The following SMARCC1 variants were observed in gnomAD, a reference collection of about 807,000 sequenced individuals.
SMARCC1 encodes the protein SWI/SNF related BAF chromatin remodeling complex subunit C1.
A neutral mutation model predicts 147.4 loss-of-function variants in SMARCC1; 43 were observed. The observed-to-expected ratio is 0.29, with a 90% CI of 0.23 to 0.38. The LOEUF (loss-of-function observed/expected upper bound fraction) is 0.38. SMARCC1 is among the 10% of genes least tolerant of loss of function. The pLI, the probability that SMARCC1 is intolerant of heterozygous loss-of-function variation, is 1.00. For missense variants in SMARCC1, 1,119 were observed against 1,381.1 expected, an observed-to-expected ratio of 0.81 and a Z score of 3.01; for synonymous variants, 495 against 484.4, an observed-to-expected ratio of 1.02 and a Z score of -0.29.
chr3:47,746,716 CACA>C (rs2034567819), intron 2 of SMARCC1, among the ~76,000 whole-genome samples: 1 of 146,994 alleles, frequency 6.8e-6, no homozygotes, highest in Non-Finnish European at 1.5e-5. Context: ...AGCAGTGGCT[CACA>C]TCAGTAATTT....
rs367949040 is a variant in SMARCC1, at chr3:47,649,163, C to T, written c.2321-10383G>A. On this transcript the variant is annotated intron_variant, in intron 21 of 27. Transcript: ENST00000254480. ...AAGAGAAAGAGAGAAGCCCACTCCACGTGATGTAAGTCTGATGATCAAATA... is the reference window on the plus strand; with the variant it reads ...AAGAGAAAGAGAGAAGCCCACTCCATGTGATGTAAGTCTGATGATCAAATA... Among the ~76,000 whole-genome samples, 6 of 152,296 alleles carry T rather than the reference C, an allele frequency of 3.9e-5. 1 individual carries two copies. Among genetic ancestry groups the T allele is most frequent in the Middle Eastern group, 6.8e-3 (2 of 294 alleles).
At chr3:47,740,009 T>C (rs2034489899) in intron 3 of SMARCC1, among the ~76,000 whole-genome samples, 1 of 151,538 alleles carries the variant, frequency 6.6e-6, no homozygotes, top group African/African-American at 2.4e-5. Flanking sequence ...CCTGATTAGC[T>C]GGGATTACAG....
chr3:47,708,083 C>CTTTTTTCTTTTTTTTTTTTTT (rs2034032931), intron 9 of SMARCC1, among the ~76,000 whole-genome samples: 1 of 64,270 alleles, frequency 1.6e-5, no homozygotes, highest in African/African-American at 6.6e-5. Context: ...AATTTTTTTT[C>CTTTTTTCTTTTTTTTTTTTTT]TTTTTTTTTT....
At chr3:47,702,442 G>A (rs190292432) in intron 10 of SMARCC1, among the ~76,000 whole-genome samples, 3 of 152,242 alleles carry the variant, frequency 2.0e-5, no homozygotes, top group African/African-American at 7.2e-5. Context: ...GCTGAACCTT[G>A]AGAATTGTTT....
intron 20 of SMARCC1, 96 bp from the exon 21 acceptor site, chr3:47,661,551 G>A (rs929618946): frequency 2.1e-6 from 2 of 953,690 alleles, no homozygotes; most frequent in Non-Finnish European, 1.6e-6. Flanking sequence ...CAGTATTATT[G>A]TCTTAGGTGT....
intron 21 of SMARCC1, among the ~76,000 whole-genome samples, chr3:47,655,654 T>A (rs2033252093): frequency 6.6e-6 from 1 of 151,658 alleles, no homozygotes; most frequent in South Asian, 2.1e-4. Flanking sequence ...TGAGTTGAGA[T>A]CACACCACCA....
intron 18 of SMARCC1, among the ~76,000 whole-genome samples, 189 bp from the exon 19 acceptor site, chr3:47,670,906 C>A (rs980496548): frequency 6.6e-6 from 1 of 152,002 alleles, no homozygotes. Context: ...CAAAGACTGG[C>A]CAGGCGTGGT....
At chr3:47,726,623 A>T (rs2034303347) in intron 6 of SMARCC1, among the ~76,000 whole-genome samples, 1 of 152,216 alleles carries the variant, frequency 6.6e-6, no homozygotes, top group Non-Finnish European at 1.5e-5. Flanking sequence ...AATGAACAGC[A>T]ACTCCCTGAT....
At chr3:47,630,536 T>C (rs1366111155) in intron 24 of SMARCC1, among the ~76,000 whole-genome samples, 3 of 152,186 alleles carry the variant, frequency 2.0e-5, no homozygotes, top group Non-Finnish European at 4.4e-5. Flanking sequence ...TTACAAAGCA[T>C]GAATTCCAAC....
In SMARCC1 at chr3:47,587,000, C is replaced by T. The variant is rs1033320504; in HGVS notation, c.*1209G>A. On this transcript the variant is annotated 3_prime_UTR_variant, in exon 28 of 28. Coordinates refer to ENST00000254480, the MANE Select transcript of SMARCC1 (RefSeq NM_003074.4). ...TGCCAAGTGAGTTCCTTGTTACCCT[C>T]AGCATCTCTTTGAAAACCCTGTGAT... The T allele has an allele frequency of 4.6e-5, 7 of 152,608 alleles. No homozygotes were observed. Among genetic ancestry groups the T allele is most frequent in the Non-Finnish European group, 1.0e-4 (7 of 68,054 alleles). The allele number at this position is 152,608 out of a possible 1,614,324, so 9.5% of individuals were successfully genotyped here. A position where few individuals can be genotyped will look rare whatever the true frequency, so the allele number is the denominator to read the frequency against.
chr3:47,617,945 TCTTA>T (rs1364661696), intron 25 of SMARCC1, among the ~76,000 whole-genome samples: 1 of 152,194 alleles, frequency 6.6e-6, no homozygotes, highest in Non-Finnish European at 1.5e-5. Flanking sequence ...TTTTTCATAC[TCTTA>T]CTTTTTTAAA....
chr3:47,714,517 C>G, intron 7 of SMARCC1, 27 bp from the exon 8 acceptor site: 1 of 1,119,224 alleles, frequency 8.9e-7, no homozygotes, highest in South Asian at 1.4e-5. Context: ...ATGAGAAAAA[C>G]AAATTAGAGT....
At position 47,705,323 on chromosome 3, in the gene SMARCC1, CAAA is replaced by C. The variant is rs754344034; in HGVS notation, c.1040+1083_1040+1085del. The stretch of plus-strand genomic sequence containing the variant: ...CTGGTAACAGAGCGAGACTCCGTCT[CAAA>C]AAAAAAAAAAAAAAAAACGAACTAT... On this transcript the variant is annotated intron_variant, in intron 10 of 27. Coordinates refer to ENST00000254480, the MANE Select transcript of SMARCC1 (RefSeq NM_003074.4). Among the ~76,000 whole-genome samples the C allele has an allele frequency of 7.3e-3, 759 of 103,714 alleles. 8 individuals carry two copies. Among genetic ancestry groups the C allele is most frequent in the Non-Finnish European group, 9.5e-3 (500 of 52,822 alleles). The allele number at this position is 103,714 out of a possible 152,430, so 68.0% of individuals were successfully genotyped here. A position where few individuals can be genotyped will look rare whatever the true frequency, so the allele number is the denominator to read the frequency against.
At chr3:47,680,990 TTC>T (rs2033637529) in intron 14 of SMARCC1, among the ~76,000 whole-genome samples, 1 of 152,226 alleles carries the variant, frequency 6.6e-6, no homozygotes, top group Non-Finnish European at 1.5e-5. Context: ...AAGGAAAGCT[TTC>T]TCTTTCTCAC....
chr3:47,679,743 T>C (rs2033618049), intron 15 of SMARCC1, among the ~76,000 whole-genome samples: 1 of 151,542 alleles, frequency 6.6e-6, no homozygotes, highest in South Asian at 2.1e-4. Flanking sequence ...ATGCCTGTAG[T>C]CTCAACTACG....
chr3:47,780,177 T>TG (rs1390698207), intron 1 of SMARCC1, among the ~76,000 whole-genome samples: 75 of 136,614 alleles, frequency 5.5e-4, no homozygotes, highest in African/African-American at 1.9e-3. Flanking sequence ...TGTTTTTTTT[T>TG]TTTTTTTTTT....
chr3:47,768,716 T>C (rs905839102), intron 2 of SMARCC1, among the ~76,000 whole-genome samples: 2 of 152,162 alleles, frequency 1.3e-5, no homozygotes, highest in Non-Finnish European at 2.9e-5. Flanking sequence ...ATGAATACTT[T>C]AGCTGTAAAG....
intron 14 of SMARCC1, among the ~76,000 whole-genome samples, chr3:47,685,077 A>G (rs2033703588): frequency 6.6e-6 from 1 of 152,222 alleles, no homozygotes; most frequent in Non-Finnish European, 1.5e-5. Context: ...CGCTTTATAC[A>G]TTCACTTTGG....
intron 2 of SMARCC1, among the ~76,000 whole-genome samples, chr3:47,762,301 A>T (rs893209436): frequency 1.3e-5 from 2 of 152,182 alleles, no homozygotes; most frequent in African/African-American, 4.8e-5. Flanking sequence ...CTTCTTATTA[A>T]CTTCACGTTC....
Sources: gnomAD v4.1 joint callset for allele counts (sites outside exome capture counted in the v4.1 genomes callset) on GRCh38, gnomAD v4.1.1 for gene constraint, MANE v1.5 for transcripts, NCBI Gene and HGNC (gene_info 2026-07-23, HGNC 2026-07-21) for gene names.